The following KIZ variants were observed in gnomAD, a reference collection of about 807,000 sequenced individuals.
KIZ encodes the protein centrosomal protein kizuna.
In KIZ, 68 loss-of-function variants were observed where a neutral mutation model predicts 79.6. The ratio of observed to expected loss-of-function variants is 0.85; its 90% CI spans 0.70 to 1.05. The LOEUF is 1.05. KIZ is among the 50% of genes least tolerant of loss of function. The probability of loss-of-function intolerance (pLI) is 0.00; values close to 1 mark genes in which losing one functional copy is unlikely to be tolerated. For missense variants in KIZ, 797 were observed against 800.4 expected, an observed-to-expected ratio of 1.00 and a Z score of 0.05; for synonymous variants, 280 against 281.8, an observed-to-expected ratio of 0.99 and a Z score of 0.06.
At chr20:21,230,959 A>T (rs1182044152) in intron 10 of KIZ, among the ~76,000 whole-genome samples, 1 of 152,234 alleles carries the variant, frequency 6.6e-6, no homozygotes, top group African/African-American at 2.4e-5. Flanking sequence ...GATAGCTGAC[A>T]CACACACTTT....
chr20:21,173,351 G>T (rs948675184), intron 6 of KIZ, among the ~76,000 whole-genome samples: 1 of 152,142 alleles, frequency 6.6e-6, no homozygotes, highest in South Asian at 2.1e-4. Context: ...GCCAAGATGG[G>T]TTGATCACTT....
At chr20:21,176,481 G>A (rs2034439271) in intron 6 of KIZ, among the ~76,000 whole-genome samples, 1 of 151,736 alleles carries the variant, frequency 6.6e-6, no homozygotes, top group African/African-American at 2.4e-5. Flanking sequence ...CAGCTTGAAG[G>A]CCTGTGTACC....
intron 6 of KIZ, among the ~76,000 whole-genome samples, chr20:21,171,200 T>C (rs2034191193): frequency 6.6e-6 from 1 of 152,252 alleles, no homozygotes; most frequent in Non-Finnish European, 1.5e-5. Flanking sequence ...GAACATCTTT[T>C]CATATGCTTA....
chr20:21,153,478 A>G (rs2033220953), intron 4 of KIZ, among the ~76,000 whole-genome samples: 1 of 152,138 alleles, frequency 6.6e-6, no homozygotes, highest in South Asian at 2.1e-4. Context: ...TAACTGTTGA[A>G]TTTCATGGCC....
chr20:21,141,502 G>A (rs1427104738), intron 3 of KIZ, among the ~76,000 whole-genome samples: 1 of 152,124 alleles, frequency 6.6e-6, no homozygotes, highest in Admixed American at 6.5e-5. Context: ...GCCTTCCCAG[G>A]TTCTGAGAAG....
chr20:21,241,805 C>T (rs1421344002), intron 11 of KIZ, among the ~76,000 whole-genome samples: 1 of 152,178 alleles, frequency 6.6e-6, no homozygotes, highest in East Asian at 1.9e-4. Flanking sequence ...AACACACACT[C>T]GCATAGATGT....
intron 6 of KIZ, among the ~76,000 whole-genome samples, chr20:21,185,812 A>G (rs1568956085): frequency 6.6e-6 from 1 of 151,614 alleles, no homozygotes; most frequent in African/African-American, 2.4e-5. Context: ...CCCAGGTTCA[A>G]GCAGTTCTCC....
chr20:21,232,379 G>A (rs985790771), intron 10 of KIZ, among the ~76,000 whole-genome samples: 2 of 152,170 alleles, frequency 1.3e-5, no homozygotes, highest in African/African-American at 4.8e-5. Context: ...TCTGAGCCCT[G>A]GTTTGCTGCC....
chr20:21,147,430 A>G (rs1000045549), intron 4 of KIZ, among the ~76,000 whole-genome samples: 4 of 152,162 alleles, frequency 2.6e-5, no homozygotes, highest in African/African-American at 9.7e-5. Context: ...CAGCAAAATC[A>G]TGTTTTAGTT....
intron 6 of KIZ, chr20:21,166,539 T>C: frequency 1.3e-6 from 2 of 1,494,218 alleles, no homozygotes; most frequent in South Asian, 2.3e-5. Flanking sequence ...CGTTTGCCTC[T>C]CTTTTCGGCA....
Position 21,136,507 on chromosome 20 carries a change from T to G in KIZ, c.270T>G (p.His90Gln). Residue 90 changes from histidine (H) to glutamine (Q), a missense_variant, in exon 3 of 13, where the codon CAT becomes CAG. His to Gln is a conservative substitution (Grantham distance 24). Transcript: ENST00000619189. ...AGCGATTTGAGCGTGTCCAAGCTCA[T>G]GTTGTACACTTCACCACAAATACAG... Reference protein sequence around the residue: ...YLKRFERVQAHVVHFTTNTEK... With the variant: ...YLKRFERVQAQVVHFTTNTEK... The G allele has an allele frequency of 6.3e-7, 1 of 1,599,114 alleles. No individual in the cohort carries two copies. Among genetic ancestry groups the G allele is most frequent in the Non-Finnish European group, 8.5e-7 (1 of 1,172,372 alleles).
At chr20:21,166,623 A>ATT (rs71198085) in intron 6 of KIZ, 122 of 758,164 alleles carry the variant, frequency 1.6e-4, no homozygotes, top group East Asian at 4.6e-4. Flanking sequence ...GAGCTTTTGT[A>ATT]TTTTTTTTTT....
At chr20:21,242,758 G>T (rs372421929) in intron 11 of KIZ, among the ~76,000 whole-genome samples, 43 of 152,246 alleles carry the variant, frequency 2.8e-4, no homozygotes, top group African/African-American at 1.0e-3. Context: ...GCCACACCTT[G>T]TTCCCCAGTC....
intron 6 of KIZ, among the ~76,000 whole-genome samples, chr20:21,193,008 G>A (rs2035181063): frequency 6.6e-6 from 1 of 152,126 alleles, no homozygotes; most frequent in Admixed American, 6.5e-5. Flanking sequence ...CAGACTTTAG[G>A]CAGATAAAGG....
intron 6 of KIZ, chr20:21,196,706 C>G (rs1267297714): frequency 1.3e-5 from 2 of 152,252 alleles, no homozygotes; most frequent in African/African-American, 4.8e-5. Flanking sequence ...ACTGAGAATC[C>G]AGGCTTAGAG....
intron 12 of KIZ, 99 bp downstream of exon 12, chr20:21,244,387 G>A: frequency 3.5e-6 from 3 of 845,216 alleles, no homozygotes; most frequent in South Asian, 2.9e-5. Context: ...GAGTCCTGAA[G>A]CGGGCATGCT....
intron 6 of KIZ, chr20:21,194,767 ATTGC>A (rs766144413): frequency 9.9e-5 from 15 of 151,890 alleles, no homozygotes; most frequent in Non-Finnish European, 1.9e-4. Flanking sequence ...AGGTGGGAGG[ATTGC>A]TTGAGCTCAA....
At chr20:21,232,674 A>C in intron 10 of KIZ, 60 bp from the exon 11 acceptor site, 1 of 851,706 alleles carries the variant, frequency 1.2e-6, no homozygotes, top group Admixed American at 2.0e-5. Context: ...CACTTTATTC[A>C]TTTTGTCCCA....
At chr20:21,215,019 T>G (rs984164605) in intron 8 of KIZ, among the ~76,000 whole-genome samples, 4 of 152,226 alleles carry the variant, frequency 2.6e-5, no homozygotes, top group Non-Finnish European at 5.9e-5. Context: ...TGAAGATGAT[T>G]CCATAAAGTA....
Sources: gnomAD v4.1 joint callset for allele counts (sites outside exome capture counted in the v4.1 genomes callset) on GRCh38, gnomAD v4.1.1 for gene constraint, MANE v1.5 for transcripts, NCBI Gene and HGNC (gene_info 2026-07-23, HGNC 2026-07-21) for gene names.